Variants in FIBCD1 observed in about 807,000 individuals in gnomAD.
FIBCD1 encodes the protein fibrinogen C domain containing 1, also known as fibrinogen C domain-containing protein 1.
In FIBCD1, 47 loss-of-function variants were observed where a neutral mutation model predicts 45.1. That is an observed-to-expected ratio of 1.04 (90% CI 0.82 to 1.33). The LOEUF is 1.33. FIBCD1 is among the 40% of genes most tolerant of loss of function. The pLI is 0.00. For missense variants in FIBCD1, 653 were observed against 682.2 expected (o/e 0.96, Z 0.48); for synonymous variants, 313 against 308.1 (o/e 1.02, Z -0.17).
In FIBCD1 at chr9:130,938,799, A is replaced by G. The variant is rs1832564624; in HGVS notation, c.-192T>C. On this transcript the variant is annotated 5_prime_UTR_variant, in exon 1 of 7. Transcript: ENST00000372338. ...CGCGCCGCTGTGTGCGGGCGGGAGC[A>G]GGAGCGGGAGCGCGAAAGCCGCCAG... 1 of 168,842 alleles carries G rather than the reference A, an allele frequency of 5.9e-6. No individual in the cohort carries two copies. The highest frequency in any genetic ancestry group is 2.0e-4 in the South Asian group (1 of 5,052). The allele number at this position is 168,842 out of a possible 1,614,324, so 10.5% of individuals were successfully genotyped here. A position where few individuals can be genotyped will look rare whatever the true frequency, so the allele number is the denominator to read the frequency against.
intron 1 of FIBCD1, among the ~76,000 whole-genome samples, chr9:130,936,991 G>A (rs1832528901): frequency 6.6e-6 from 1 of 152,068 alleles, no homozygotes; most frequent in South Asian, 2.1e-4. Flanking sequence ...GTGTGTGTGT[G>A]TGTTTGTGTA....
intron 4 of FIBCD1, among the ~76,000 whole-genome samples, chr9:130,918,048 T>A (rs922479531): frequency 1.3e-5 from 2 of 152,074 alleles, no homozygotes; most frequent in African/African-American, 2.4e-5. Flanking sequence ...CACAGCCCCA[T>A]GAGAGACGAC....
intron 5 of FIBCD1, among the ~76,000 whole-genome samples, chr9:130,906,387 G>A (rs753640016): frequency 1.3e-5 from 2 of 152,130 alleles, no homozygotes; most frequent in East Asian, 1.9e-4. Context: ...CGCACCTCCC[G>A]GGGTCAGTGT....
At position 130,903,987 on chromosome 9, in the gene FIBCD1, A is replaced by G. The variant is rs1187168187; in HGVS notation, c.*77T>C. ...GTCCGCCAGGCACAGGTGGGTGGAG[A>G]ACATTCACGAAAGAGTGAGGTGGGG... is the stretch of plus-strand genomic sequence containing the variant. On this transcript the variant is annotated 3_prime_UTR_variant, in exon 7 of 7. Transcript: ENST00000372338. 1.9e-6 allele frequency: 3 copies of G among 1,549,634 alleles called. No homozygotes were observed. Among genetic ancestry groups the G allele is most frequent in the Non-Finnish European group, 8.8e-7 (1 of 1,141,964 alleles).
At chr9:130,934,346 G>T (rs1404738814) in intron 1 of FIBCD1, among the ~76,000 whole-genome samples, 1 of 152,216 alleles carries the variant, frequency 6.6e-6, no homozygotes, top group East Asian at 1.9e-4. Flanking sequence ...TAGGAAGGGG[G>T]TCTGCAGGCT....
chr9:130,938,572 A>G lies in FIBCD1; in HGVS notation c.36T>C (p.Ala12=), dbSNP rs1832559211. 2 of 1,489,316 alleles carry G rather than the reference A, an allele frequency of 1.3e-6. No individual in the cohort carries two copies. Among genetic ancestry groups the G allele is most frequent in the Non-Finnish European group, 8.9e-7 (1 of 1,124,842 alleles). 92.3% of individuals were successfully genotyped at this position (1,489,316 alleles called of 1,614,324 possible). The change falls in exon 1 of 7, where the codon GCT becomes GCC. Residue 12 remains alanine (A), a synonymous_variant. Transcript: ENST00000372338. ...CGCGCGGCCGGTCCTCAAGTTGGGCAGCGCCGCCCATGGTCTTCCACCGGT... is the reference window on the plus strand; with the variant it reads ...CGCGCGGCCGGTCCTCAAGTTGGGCGGCGCCGCCCATGGTCTTCCACCGGT... ...VNDRWKTMGG[A]AQLEDRPRDK...
rs569591255 is a variant in FIBCD1, at chr9:130,910,732, C to T, written c.946+1060G>A. Among the ~76,000 whole-genome samples the T allele has an allele frequency of 2.0e-4, 30 of 152,236 alleles. No individual in the cohort carries two copies. The South Asian group carries it at 6.2e-3, about 32-fold the overall frequency. ...CAGGGTTTGTGAGTGCACCAATCAA[C>T]ACTCTGTATCTAGCTGCTCTGGTGG... On this transcript the variant is annotated intron_variant, in intron 5 of 6. Transcript: ENST00000372338.
chr9:130,914,057 C>T (rs1832113130), intron 4 of FIBCD1, among the ~76,000 whole-genome samples: 1 of 152,202 alleles, frequency 6.6e-6, no homozygotes, highest in Admixed American at 6.5e-5. Context: ...ACAGCCACGC[C>T]TTCCTCCCAG....
chr9:130,932,066 C>CT, intron 1 of FIBCD1, among the ~76,000 whole-genome samples: 2 of 152,328 alleles, frequency 1.3e-5, no homozygotes, highest in East Asian at 3.9e-4. Flanking sequence ...CGCATGTTCT[C>CT]TTTTTTTCAC....
rs573494128 is a variant in FIBCD1 at position 130,920,515 on chromosome 9, C to T, written c.849+3229G>A. 7.0e-4 allele frequency among the ~76,000 whole-genome samples: 106 copies of T among 152,280 alleles called. 1 individual carries two copies. The highest frequency in any genetic ancestry group is 2.1e-3 in the African/African-American group (89 of 41,540). Reference sequence around the variant, plus strand: ...AAGGGTGCCAACAGCCATCATCTGGCAAGCATTTAGAGAGTGCCGAGGGTG... The same window carrying T: ...AAGGGTGCCAACAGCCATCATCTGGTAAGCATTTAGAGAGTGCCGAGGGTG... On this transcript the variant is annotated intron_variant, in intron 4 of 6. Transcript: ENST00000372338.
chr9:130,925,558 C>T (rs953481555), intron 2 of FIBCD1, among the ~76,000 whole-genome samples: 4 of 152,088 alleles, frequency 2.6e-5, no homozygotes, highest in African/African-American at 9.7e-5. Flanking sequence ...TTTCTCTGAG[C>T]GGGGGGATTC....
Position 130,911,647 on chromosome 9 carries a change from T to C in FIBCD1, c.946+145A>G, listed in dbSNP as rs1250236603. The C allele has an allele frequency of 7.5e-6, 5 of 669,814 alleles. No homozygotes were observed. The East Asian group carries it at 8.2e-5, about 11-fold the overall frequency. The allele number at this position is 669,814 out of a possible 1,614,324, so 41.5% of individuals were successfully genotyped here. Reference sequence around the variant, plus strand: ...TCCTTCTGAATGCCTGTCACCTTCATGCATGACACCTGTGAGCTGGCTCAG... The same window carrying C: ...TCCTTCTGAATGCCTGTCACCTTCACGCATGACACCTGTGAGCTGGCTCAG... On this transcript the variant is annotated intron_variant, in intron 5 of 6. Coordinates refer to ENST00000372338, the MANE Select transcript of FIBCD1 (RefSeq NM_032843.5).
intron 1 of FIBCD1, among the ~76,000 whole-genome samples, 163 bp from the exon 2 acceptor site, chr9:130,930,209 G>A (rs1250708279): frequency 6.6e-6 from 1 of 152,204 alleles, no homozygotes; most frequent in Non-Finnish European, 1.5e-5. Context: ...ACAGTCCAAG[G>A]GGAGACAGAG....
chr9:130,911,695 C>A (rs1397202591), intron 5 of FIBCD1, 97 bp downstream of exon 5: 18 of 1,145,768 alleles, frequency 1.6e-5, no homozygotes, highest in Non-Finnish European at 2.3e-5. Context: ...CAGGGAAACC[C>A]AGCCCAAACC....
In FIBCD1 at chr9:130,922,754, G is replaced by C. The variant is rs567047808; in HGVS notation, c.849+990C>G. Among the ~76,000 whole-genome samples, 1 of 152,152 alleles carries C rather than the reference G, an allele frequency of 6.6e-6. No homozygotes were observed. The highest frequency in any genetic ancestry group is 6.5e-5 in the Admixed American group (1 of 15,290). ...CCCGACTGTGTGTCCCAACCCTGCA[G>C]CCTGGGGCTGGAACACTCCAGCCTC... On this transcript the variant is annotated intron_variant, in intron 4 of 6. Transcript: ENST00000372338. The surrounding 1 kb of genome is among the most constrained non-coding windows in gnomAD (Gnocchi z 4.5).
intron 5 of FIBCD1, among the ~76,000 whole-genome samples, chr9:130,906,562 C>G (rs981842386): frequency 6.6e-6 from 1 of 152,226 alleles, no homozygotes; most frequent in African/African-American, 2.4e-5. Context: ...AGGGCATGGG[C>G]TTTGACAGCC....
At chr9:130,915,710 T>TA (rs140130452) in intron 4 of FIBCD1, among the ~76,000 whole-genome samples, 2 of 151,796 alleles carry the variant, frequency 1.3e-5, no homozygotes, top group Non-Finnish European at 2.9e-5. Context: ...CTCAAAAAAA[T>TA]AAAAAAATAA....
intron 5 of FIBCD1, among the ~76,000 whole-genome samples, chr9:130,909,446 G>A (rs1398194715): frequency 6.6e-6 from 1 of 152,222 alleles, no homozygotes; most frequent in Non-Finnish European, 1.5e-5. Context: ...AGGAGTGACT[G>A]CTCCCGGGGG....
At chr9:130,911,575 G>A (rs912185664) in intron 5 of FIBCD1, among the ~76,000 whole-genome samples, 2 of 152,230 alleles carry the variant, frequency 1.3e-5, no homozygotes, top group Non-Finnish European at 2.9e-5. Context: ...TATGAGCACT[G>A]GGAGCCCACC....
Sources: gnomAD v4.1 joint callset for allele counts (sites outside exome capture counted in the v4.1 genomes callset) on GRCh38, gnomAD v4.1.1 for gene constraint, Gnocchi (gnomAD v3.1) non-coding constraint, MANE v1.5 for transcripts, NCBI Gene and HGNC (gene_info 2026-07-23, HGNC 2026-07-21) for gene names.